The following ST8SIA1 variants were observed in gnomAD, a reference collection of about 807,000 sequenced individuals.
The protein encoded by ST8SIA1 is alpha-N-acetylneuraminide alpha-2,8-sialyltransferase.
Under a neutral mutation model 35.9 loss-of-function variants are expected in ST8SIA1, and 16 were observed. That is an observed-to-expected ratio of 0.45 (90% CI 0.30 to 0.68). The LOEUF is 0.68. Ranked by LOEUF, ST8SIA1 falls within the 30% of genes least tolerant of loss-of-function variation. The probability of loss-of-function intolerance (pLI) is 0.09; values close to 1 mark genes in which losing one functional copy is unlikely to be tolerated. For synonymous variants in ST8SIA1, 170 were observed against 169.6 expected (o/e 1.00, Z -0.02); for missense variants, 383 against 453.6 (o/e 0.84, Z 1.41).
intron 4 of ST8SIA1, among the ~76,000 whole-genome samples, chr12:22,238,168 C>CA (rs1555156077): frequency 5.3e-5 from 8 of 151,654 alleles, no homozygotes; most frequent in African/African-American, 2.0e-4. Flanking sequence ...AGAACTCCCC[C>CA]CCCAACAAGA....
chr12:22,280,164 A>C lies in ST8SIA1; in HGVS notation c.381+6985T>G, dbSNP rs1280897139. Reference sequence around the variant, plus strand: ...GCGACTCCTAATAGAGTTTAAAAGTACAAATGAGCATATTAATAGAAATGA... The same window carrying C: ...GCGACTCCTAATAGAGTTTAAAAGTCCAAATGAGCATATTAATAGAAATGA... On this transcript the variant is annotated intron_variant, in intron 2 of 4. Coordinates refer to ENST00000396037, the MANE Select transcript of ST8SIA1 (RefSeq NM_003034.4). Among the ~76,000 whole-genome samples the C allele has an allele frequency of 3.3e-5, 5 of 152,236 alleles. No homozygotes were observed. The South Asian group carries it at 6.2e-4, about 19-fold the overall frequency.
intron 4 of ST8SIA1, among the ~76,000 whole-genome samples, chr12:22,208,161 A>T (rs549383134): frequency 1.5e-4 from 23 of 151,792 alleles, no homozygotes; most frequent in Admixed American, 1.2e-3. Context: ...AAGAAGCAAA[A>T]TCAATAATAA....
Position 22,249,113 on chromosome 12 carries a change from A to G in ST8SIA1, c.492-15T>C. 2 of 1,567,634 alleles carry G rather than the reference A, an allele frequency of 1.3e-6. No homozygotes were observed. The highest frequency in any genetic ancestry group is 1.1e-5 in the South Asian group (1 of 89,658). ...GGAGATTGCATCTAGAGAAACAAGA[A>G]CAAACATTTTGGAACAATTTGCATA... On this transcript the variant is annotated splice_polypyrimidine_tract_variant and intron_variant, in intron 3 of 4. Coordinates refer to ENST00000396037, the MANE Select transcript of ST8SIA1 (RefSeq NM_003034.4).
At chr12:22,207,793 A>C (rs1865129556) in intron 4 of ST8SIA1, among the ~76,000 whole-genome samples, 1 of 152,182 alleles carries the variant, frequency 6.6e-6, no homozygotes, top group African/African-American at 2.4e-5. Flanking sequence ...AGAAATTCAC[A>C]AGTCCACAAT....
At chr12:22,210,938 A>G (rs2064523377) in intron 4 of ST8SIA1, among the ~76,000 whole-genome samples, 1 of 152,138 alleles carries the variant, frequency 6.6e-6, no homozygotes, top group South Asian at 2.1e-4. Flanking sequence ...GCTGTAACCA[A>G]TCGTGCTGTT....
intron 4 of ST8SIA1, among the ~76,000 whole-genome samples, chr12:22,227,749 A>G (rs1456615792): frequency 6.6e-6 from 1 of 152,168 alleles, no homozygotes; most frequent in African/African-American, 2.4e-5. Flanking sequence ...TCAGGCACTA[A>G]TCATTTGAGT....
intron 1 of ST8SIA1, among the ~76,000 whole-genome samples, chr12:22,309,623 G>A (rs1487032015): frequency 6.6e-6 from 1 of 152,062 alleles, no homozygotes; most frequent in African/African-American, 2.4e-5. Context: ...TGATCCCTTT[G>A]CCCCTCTCTC....
At chr12:22,283,403 T>C (rs1866059643) in intron 2 of ST8SIA1, among the ~76,000 whole-genome samples, 2 of 152,092 alleles carry the variant, frequency 1.3e-5, no homozygotes, top group African/African-American at 4.8e-5. Flanking sequence ...ATAGGGTTCA[T>C]TCAATAATTC....
intron 4 of ST8SIA1, among the ~76,000 whole-genome samples, chr12:22,235,102 A>G (rs544821796): frequency 6.6e-6 from 1 of 152,292 alleles, no homozygotes; most frequent in East Asian, 1.9e-4. Context: ...TTCAGATATG[A>G]AAGCTACAGT....
chr12:22,231,312 A>G (rs2120694705), intron 4 of ST8SIA1, among the ~76,000 whole-genome samples: 1 of 151,654 alleles, frequency 6.6e-6, no homozygotes, highest in South Asian at 2.1e-4. Context: ...TCACCACCCT[A>G]TCACTAACAC....
At position 22,325,603 on chromosome 12, in the gene ST8SIA1, C is replaced by G. The variant is rs1400450257; in HGVS notation, c.236+8394G>C. ...TAAGGAATGAAACTAGGAATCTCCT[C>G]TTATCTGTGGAGGATACATTCCAAG... On this transcript the variant is annotated intron_variant, in intron 1 of 4. Coordinates refer to ENST00000396037, the MANE Select transcript of ST8SIA1 (RefSeq NM_003034.4). 4 of 651,980 alleles carry G rather than the reference C, an allele frequency of 6.1e-6. 1 individual carries two copies. In the South Asian group the frequency reaches 7.0e-5, roughly 11 times the overall value. 40.4% of individuals were successfully genotyped at this position (651,980 alleles called of 1,614,324 possible).
intron 1 of ST8SIA1, among the ~76,000 whole-genome samples, chr12:22,319,781 G>A (rs528059675): frequency 7.1e-4 from 108 of 152,334 alleles, no homozygotes; most frequent in Non-Finnish European, 1.4e-3. Context: ...AAAGTTGGGG[G>A]TACCTAGCCA....
chr12:22,314,538 T>C (rs1866492844), intron 1 of ST8SIA1, among the ~76,000 whole-genome samples: 1 of 152,112 alleles, frequency 6.6e-6, no homozygotes, highest in Non-Finnish European at 1.5e-5. Flanking sequence ...CTGGCTCAAT[T>C]AGCAGAAGAA....
intron 4 of ST8SIA1, among the ~76,000 whole-genome samples, chr12:22,244,289 T>C (rs915030862): frequency 1.3e-5 from 2 of 152,080 alleles, no homozygotes; most frequent in Admixed American, 6.6e-5. Context: ...TGTATATCCA[T>C]GTTACACCAG....
Position 22,287,028 on chromosome 12 carries a change from TAA to T in ST8SIA1, c.381+119_381+120del, listed in dbSNP as rs1410467350. The T allele has an allele frequency of 6.6e-6, 6 of 913,978 alleles. No individual in the cohort carries two copies. The African/African-American group carries it at 8.4e-5, about 13-fold the overall frequency. 56.6% of individuals were successfully genotyped at this position (913,978 alleles called of 1,614,324 possible). On this transcript the variant is annotated intron_variant, in intron 2 of 4. Transcript: ENST00000396037. ...GATGACAGATATAAAGAAAAACATT[TAA>T]AGAGAGAAGAAAGAAAACAAAAAGT...
At chr12:22,309,342 T>C (rs75309034) in intron 1 of ST8SIA1, among the ~76,000 whole-genome samples, 4 of 152,038 alleles carry the variant, frequency 2.6e-5, no homozygotes, top group African/African-American at 9.7e-5. Flanking sequence ...TTTTGCCTGA[T>C]GAGACACCAC....
chr12:22,263,893 T>A (rs896132204), intron 2 of ST8SIA1, among the ~76,000 whole-genome samples: 1 of 152,208 alleles, frequency 6.6e-6, no homozygotes, highest in African/African-American at 2.4e-5. Context: ...TTCAGAGTGG[T>A]CTGAAAGGCT....
chr12:22,240,794 A>G (rs1865531569), intron 4 of ST8SIA1, among the ~76,000 whole-genome samples: 1 of 152,164 alleles, frequency 6.6e-6, no homozygotes, highest in South Asian at 2.1e-4. Context: ...ATTGGATAAA[A>G]TCTCTTCTAC....
intron 1 of ST8SIA1, among the ~76,000 whole-genome samples, chr12:22,308,775 A>G (rs563962623): frequency 3.3e-5 from 5 of 152,240 alleles, no homozygotes; most frequent in African/African-American, 1.2e-4. Context: ...ACAGTTGACC[A>G]AATTTCTCCT....
Sources: gnomAD v4.1 joint callset for allele counts (sites outside exome capture counted in the v4.1 genomes callset) on GRCh38, gnomAD v4.1.1 for gene constraint, MANE v1.5 for transcripts, NCBI Gene and HGNC (gene_info 2026-07-23, HGNC 2026-07-21) for gene names.